DYM: variants seen among roughly 807,000 people sequenced by gnomAD.
The protein encoded by DYM is dyggve-Melchior-Clausen syndrome protein.
In DYM, 78 loss-of-function variants were observed where a neutral mutation model predicts 93.1. The ratio of observed to expected loss-of-function variants is 0.84; its 90% CI spans 0.70 to 1.01. The LOEUF (loss-of-function observed/expected upper bound fraction) is 1.01. Among genes scored for constraint, DYM ranks in the 50% least tolerant of loss-of-function variants. DYM has a pLI of 0.00. For missense variants in DYM, 789 were observed against 845.0 expected (o/e 0.93, Z 0.82); for synonymous variants, 321 against 319.7 (o/e 1.00, Z -0.04).
chr18:49,176,626 A>T (rs2089414900), intron 14 of DYM, among the ~76,000 whole-genome samples: 1 of 126,798 alleles, frequency 7.9e-6, no homozygotes, highest in African/African-American at 3.1e-5. Flanking sequence ...TGTTGCCCGC[A>T]CTGGTCTTGA....
intron 17 of DYM, among the ~76,000 whole-genome samples, chr18:49,095,681 G>T (rs892573728): frequency 2.6e-5 from 4 of 151,990 alleles, no homozygotes; most frequent in Admixed American, 6.6e-5. Context: ...TCTCTATTTA[G>T]CCATAATTCT....
chr18:49,364,362 T>C (rs976559831), intron 5 of DYM, among the ~76,000 whole-genome samples: 2 of 151,960 alleles, frequency 1.3e-5, no homozygotes, highest in African/African-American at 2.4e-5. Flanking sequence ...GGAGAATTGC[T>C]TGAACCCGGG....
intron 1 of DYM, among the ~76,000 whole-genome samples, chr18:49,441,312 AT>A (rs1276998903): frequency 2.8e-5 from 1 of 35,984 alleles, no homozygotes; most frequent in Non-Finnish European, 4.2e-5. Flanking sequence ...TATATAATTA[AT>A]ATATAATTAT....
chr18:49,365,984 A>G (rs1246533104), intron 5 of DYM, among the ~76,000 whole-genome samples: 9 of 152,222 alleles, frequency 5.9e-5, no homozygotes, highest in Admixed American at 5.9e-4. Context: ...GATGATAAAC[A>G]TATTTCATAG....
intron 5 of DYM, among the ~76,000 whole-genome samples, chr18:49,370,342 C>T (rs78498435): frequency 6.6e-6 from 1 of 151,872 alleles, no homozygotes; most frequent in East Asian, 1.9e-4. Flanking sequence ...CATCCTAGCA[C>T]CTCCTACTTC....
Position 49,041,769 on chromosome 18 carries a change from T to C in DYM, c.*2286A>G, listed in dbSNP as rs1158716824. 1.3e-5 allele frequency: 2 copies of C among 152,208 alleles called. No homozygotes were observed. Among genetic ancestry groups the C allele is most frequent in the Non-Finnish European group, 2.9e-5 (2 of 68,050 alleles). 9.4% of individuals were successfully genotyped at this position (152,208 alleles called of 1,614,324 possible). A position where few individuals can be genotyped will look rare whatever the true frequency, so the allele number is the denominator to read the frequency against. On this transcript the variant is annotated 3_prime_UTR_variant, in exon 18 of 18. Coordinates refer to ENST00000675505, the MANE Select transcript of DYM (RefSeq NM_001353214.3). ...GCCCAGAGGCCTGGAGGAGAGGCTGTATGATTCCCCAGTCAGGCCTTCCTT... is the reference window on the plus strand; with the variant it reads ...GCCCAGAGGCCTGGAGGAGAGGCTGCATGATTCCCCAGTCAGGCCTTCCTT...
At chr18:49,154,752 GA>G (rs1465812172) in intron 15 of DYM, among the ~76,000 whole-genome samples, 2 of 151,820 alleles carry the variant, frequency 1.3e-5, no homozygotes, top group Non-Finnish European at 2.9e-5. Flanking sequence ...GGAATGGAGG[GA>G]AAGCAAGTTG....
intron 14 of DYM, among the ~76,000 whole-genome samples, chr18:49,177,150 G>A (rs1293845077): frequency 6.6e-6 from 1 of 152,122 alleles, no homozygotes; most frequent in African/African-American, 2.4e-5. Flanking sequence ...CATTGAAAGA[G>A]AAAATTCATT....
At chr18:49,443,336 A>T (rs941140766) in intron 1 of DYM, among the ~76,000 whole-genome samples, 2 of 152,334 alleles carry the variant, frequency 1.3e-5, no homozygotes, top group Non-Finnish European at 2.9e-5. Flanking sequence ...TACAGAGATC[A>T]TATTTGGTGC....
At chr18:49,447,801 G>A (rs76046877) in intron 1 of DYM, among the ~76,000 whole-genome samples, 13,961 of 152,198 alleles carry the variant, frequency 0.092, 868 homozygotes, top group East Asian at 0.31. Flanking sequence ...CAGGGAAGTA[G>A]TCTTGTTTGG....
At chr18:49,423,137 G>C (rs1402070029) in intron 2 of DYM, among the ~76,000 whole-genome samples, 1 of 152,124 alleles carries the variant, frequency 6.6e-6, no homozygotes, top group Non-Finnish European at 1.5e-5. Flanking sequence ...TGATCACATA[G>C]TTGGAAGTAA....
Position 49,319,094 on chromosome 18 carries a change from G to A in DYM, c.763+12770C>T, listed in dbSNP as rs117902142. On this transcript the variant is annotated intron_variant, in intron 8 of 17. Coordinates refer to ENST00000675505, the MANE Select transcript of DYM (RefSeq NM_001353214.3). ...TGCTGGGATTACAGGCGTGAGCCAC[G>A]CAACCGGCCATAAATAGGTAACATT... 6.6e-5 allele frequency among the ~76,000 whole-genome samples: 10 copies of A among 151,994 alleles called. No homozygotes were observed. In the East Asian group the frequency reaches 1.6e-3, roughly 24 times the overall value.
chr18:49,371,590 T>C (rs757170080), intron 5 of DYM, among the ~76,000 whole-genome samples: 1 of 152,148 alleles, frequency 6.6e-6, no homozygotes, highest in Non-Finnish European at 1.5e-5. Flanking sequence ...ATTGGATTTA[T>C]AAGACGCCAA....
intron 16 of DYM, chr18:49,116,099 G>C (rs1472883510): frequency 6.6e-6 from 1 of 152,314 alleles, no homozygotes; most frequent in African/African-American, 2.4e-5. Context: ...TAAAGGACAT[G>C]CCCAGTTATA....
chr18:49,204,836 G>C (rs1015490265), intron 14 of DYM, among the ~76,000 whole-genome samples: 5 of 152,330 alleles, frequency 3.3e-5, no homozygotes, highest in African/African-American at 1.2e-4. Flanking sequence ...ATCCAAGGTT[G>C]GTAGTTTGAG....
At chr18:49,116,799 A>C (rs954971403) in intron 16 of DYM, among the ~76,000 whole-genome samples, 4 of 152,242 alleles carry the variant, frequency 2.6e-5, no homozygotes, top group Non-Finnish European at 5.9e-5. Context: ...GTCAAAAATA[A>C]TCTATCCCAT....
intron 15 of DYM, among the ~76,000 whole-genome samples, chr18:49,157,906 C>T (rs1163277360): frequency 6.6e-6 from 1 of 152,176 alleles, no homozygotes; most frequent in Non-Finnish European, 1.5e-5. Flanking sequence ...ACATTTAGGT[C>T]TATGGTCCAT....
At chr18:49,284,501 T>C (rs2095073353) in intron 9 of DYM, among the ~76,000 whole-genome samples, 1 of 152,176 alleles carries the variant, frequency 6.6e-6, no homozygotes, top group Non-Finnish European at 1.5e-5. Context: ...GTAGATACCA[T>C]ATACTGAATA....
chr18:49,386,084 T>A (rs932492214), intron 3 of DYM, among the ~76,000 whole-genome samples: 15 of 152,048 alleles, frequency 9.9e-5, no homozygotes, highest in Non-Finnish European at 1.9e-4. Context: ...AGAGCTGGAA[T>A]TACAGGTGTG....
Sources: allele counts gnomAD v4.1 joint callset (sites outside exome capture counted in the v4.1 genomes callset), GRCh38; gene constraint gnomAD v4.1.1; transcripts MANE v1.5; gene names NCBI Gene and HGNC (gene_info 2026-07-23, HGNC 2026-07-21).